KCNN2: variants seen among roughly 807,000 people sequenced by gnomAD.
KCNN2 encodes the protein potassium calcium-activated channel subfamily N member 2, also known as small conductance calcium-activated potassium channel protein 2.
In KCNN2, 24 loss-of-function variants were observed where a neutral mutation model predicts 55.5. The ratio of observed to expected loss-of-function variants is 0.43; its 90% confidence interval spans 0.31 to 0.61. The LOEUF (loss-of-function observed/expected upper bound fraction) is 0.61. KCNN2 is among the 20% of genes least tolerant of loss of function. The probability of loss-of-function intolerance (pLI) is 0.08; values close to 1 mark genes in which losing one functional copy is unlikely to be tolerated. For missense variants in KCNN2, 754 were observed against 853.6 expected, an observed-to-expected ratio of 0.88 and a Z score of 1.45; for synonymous variants, 431 against 336.1, an observed-to-expected ratio of 1.28 and a Z score of -3.09.
At chr5:114,438,134 C>T (rs1760074689) in intron 3 of KCNN2, among the ~76,000 whole-genome samples, 1 of 152,142 alleles carries the variant, frequency 6.6e-6, no homozygotes, top group Admixed American at 6.5e-5. Context: ...CAGCAATCTG[C>T]CACATTTGAG....
chr5:114,235,893 G>A (rs1399717824), intron 2 of KCNN2, among the ~76,000 whole-genome samples: 1 of 152,204 alleles, frequency 6.6e-6, no homozygotes, highest in African/African-American at 2.4e-5. Context: ...ACGGCTGGAT[G>A]ATTTGCTGAA....
chr5:114,357,944 C>T (rs1259513317), upstream of KCNN2, among the ~76,000 whole-genome samples: 1 of 150,642 alleles, frequency 6.6e-6, no homozygotes, highest in Non-Finnish European at 1.5e-5. Context: ...TATTTCTCCA[C>T]ATCCTCTCCA....
intron 2 of KCNN2, among the ~76,000 whole-genome samples, chr5:114,321,311 A>G (rs1392522135): frequency 2.0e-5 from 3 of 152,124 alleles, no homozygotes; most frequent in African/African-American, 7.2e-5. Flanking sequence ...TGTGCCCCCA[A>G]ACTCCAAGAC....
intron 1 of KCNN2, among the ~76,000 whole-genome samples, chr5:114,128,106 A>G (rs189561820): frequency 6.7e-4 from 102 of 152,218 alleles, no homozygotes; most frequent in South Asian, 5.0e-3. Context: ...ACCCAGTTCT[A>G]AAGTTGCTTC....
At chr5:114,355,509 A>G (rs1385897003) in intron 2 of KCNN2, among the ~76,000 whole-genome samples, 2 of 152,168 alleles carry the variant, frequency 1.3e-5, no homozygotes, top group Non-Finnish European at 2.9e-5. Context: ...GTTTTAATAT[A>G]TTTGGTTCCA....
intron 2 of KCNN2, among the ~76,000 whole-genome samples, chr5:114,385,432 C>A (rs940808857): frequency 6.6e-6 from 1 of 152,008 alleles, no homozygotes; most frequent in African/African-American, 2.4e-5. Flanking sequence ...AAGCCAGAAT[C>A]TTTCTTGTGG....
chr5:114,441,385 C>T (rs1256879203), intron 3 of KCNN2, among the ~76,000 whole-genome samples: 1 of 152,094 alleles, frequency 6.6e-6, no homozygotes, highest in African/African-American at 2.4e-5. Flanking sequence ...CATTCCCTTC[C>T]AGCACGCATA....
Position 114,075,977 on chromosome 5 carries a change from G to A in KCNN2, c.-271+19477G>A, listed in dbSNP as rs1056036287. The stretch of plus-strand genomic sequence containing the variant: ...CCTAGTTGTTCCCAGGCTAAATTGT[G>A]AGCCAAATAGTTGTTTTAAGTGTGT... On this transcript the variant is annotated intron_variant, in intron 1 of 10. Coordinates refer to the KCNN2 transcript ENST00000512097. 3.3e-5 allele frequency among the ~76,000 whole-genome samples: 5 copies of A among 152,154 alleles called. No individual in the cohort carries two copies. In the East Asian group the frequency reaches 9.6e-4, roughly 29 times the overall value.
chr5:114,414,214 T>TA (rs369436059), intron 3 of KCNN2, among the ~76,000 whole-genome samples: 100 of 152,278 alleles, frequency 6.6e-4, no homozygotes, highest in Middle Eastern at 3.4e-3. Context: ...TTACATGCCA[T>TA]AAAAAAAGAC....
At chr5:114,183,068 T>C (rs187613602) in intron 1 of KCNN2, among the ~76,000 whole-genome samples, 105 of 152,264 alleles carry the variant, frequency 6.9e-4, no homozygotes, top group Non-Finnish European at 7.8e-4. Flanking sequence ...GAGAGGATTT[T>C]ATTTTTAATC....
chr5:114,374,257 A>C (rs1261859116), intron 2 of KCNN2, among the ~76,000 whole-genome samples: 2 of 152,086 alleles, frequency 1.3e-5, no homozygotes, highest in Non-Finnish European at 2.9e-5. Context: ...TAAGTGAAGC[A>C]CTCCTAAAAG....
chr5:114,467,874 C>T (rs1357748932), intron 4 of KCNN2, among the ~76,000 whole-genome samples: 1 of 152,184 alleles, frequency 6.6e-6, no homozygotes, highest in Non-Finnish European at 1.5e-5. Context: ...TACCTGCACT[C>T]ACACTGGCAC....
At chr5:114,088,766 T>G (rs953052707) in intron 1 of KCNN2, among the ~76,000 whole-genome samples, 2 of 151,984 alleles carry the variant, frequency 1.3e-5, no homozygotes, top group African/African-American at 4.8e-5. Context: ...ATTCTAGGCG[T>G]CTGCCACCAT....
At chr5:114,478,636 A>G (rs890408682) in intron 5 of KCNN2, among the ~76,000 whole-genome samples, 4 of 152,084 alleles carry the variant, frequency 2.6e-5, no homozygotes, top group African/African-American at 4.8e-5. Context: ...AAAAAAAGTT[A>G]AGGGAAGCCA....
rs369043110 is a variant in KCNN2, at chr5:114,288,658, G to A, written c.-185+67093G>A. ...TATTTTCATGTGCTTGTTGTCAATC[G>A]TATATTTTCTTTGGAGAAATGTCTA... On this transcript the variant is annotated intron_variant, in intron 2 of 10. Coordinates refer to the KCNN2 transcript ENST00000512097. 2.0e-4 allele frequency among the ~76,000 whole-genome samples: 31 copies of A among 152,030 alleles called. No homozygotes were observed. In the South Asian group the frequency reaches 3.7e-3, roughly 18 times the overall value.
At chr5:114,179,253 G>A (rs1462105519) in intron 1 of KCNN2, among the ~76,000 whole-genome samples, 1 of 152,178 alleles carries the variant, frequency 6.6e-6, no homozygotes, top group African/African-American at 2.4e-5. Flanking sequence ...GGCTTACAGA[G>A]CTACAAAATT....
At chr5:114,299,688 C>G (rs1351008576) in intron 2 of KCNN2, among the ~76,000 whole-genome samples, 3 of 152,188 alleles carry the variant, frequency 2.0e-5, no homozygotes, top group African/African-American at 7.2e-5. Flanking sequence ...GCTTATAGCT[C>G]TAGTCTCACC....
chr5:114,211,358 C>T (rs1418177485), intron 1 of KCNN2, among the ~76,000 whole-genome samples: 1 of 152,110 alleles, frequency 6.6e-6, no homozygotes, highest in Admixed American at 6.6e-5. Context: ...GGTACATATA[C>T]ACCATGAAAC....
chr5:114,407,179 A>G (rs2150072529), intron 3 of KCNN2, among the ~76,000 whole-genome samples: 1 of 152,018 alleles, frequency 6.6e-6, no homozygotes, highest in East Asian at 1.9e-4. Flanking sequence ...CTCGAAATTC[A>G]TGTCCTTCAA....
Sources: gnomAD v4.1 joint callset for allele counts (sites outside exome capture counted in the v4.1 genomes callset) on GRCh38, gnomAD v4.1.1 for gene constraint, MANE v1.5 for transcripts, NCBI Gene and HGNC (gene_info 2026-07-23, HGNC 2026-07-21) for gene names.